LOC128092253: variants seen among roughly 807,000 people sequenced by gnomAD.
At chr6:133,972,418 A>G in the LOC128092253 span, among the ~76,000 whole-genome samples, 1 of 152,248 alleles carries the variant, frequency 6.6e-6, no homozygotes, top group Non-Finnish European at 1.5e-5. Context: ...AGGGCCTTAC[A>G]TTTATCAGTG....
the LOC128092253 span, among the ~76,000 whole-genome samples, chr6:133,971,892 CT>C: frequency 6.6e-6 from 1 of 152,034 alleles, no homozygotes; most frequent in South Asian, 2.1e-4. Flanking sequence ...GCTTTTCACC[CT>C]GTTAATAGTT....
the LOC128092253 span, among the ~76,000 whole-genome samples, chr6:133,976,892 C>T: frequency 6.6e-6 from 1 of 150,850 alleles, no homozygotes; most frequent in Non-Finnish European, 1.5e-5. Context: ...TGCTTGAATC[C>T]AGGAGGCGGA....
chr6:133,959,858 A>C, the LOC128092253 span, among the ~76,000 whole-genome samples: 1 of 152,214 alleles, frequency 6.6e-6, no homozygotes, highest in Admixed American at 6.5e-5. Context: ...TAATAAAGTC[A>C]ATGTGTAACC....
chr6:133,961,822 G>A, the LOC128092253 span, among the ~76,000 whole-genome samples: 1 of 152,136 alleles, frequency 6.6e-6, no homozygotes, highest in African/African-American at 2.4e-5. Context: ...CATTGCTCCT[G>A]AAGTTTCTCT....
At chr6:133,958,621 G>C in the LOC128092253 span, among the ~76,000 whole-genome samples, 2 of 152,184 alleles carry the variant, frequency 1.3e-5, no homozygotes, top group East Asian at 3.8e-4. Context: ...TTTTAGTTTA[G>C]TTGTGTGGAC....
chr6:133,974,573 C>T, the LOC128092253 span, among the ~76,000 whole-genome samples: 2 of 152,220 alleles, frequency 1.3e-5, no homozygotes, highest in Admixed American at 6.5e-5. Flanking sequence ...GTGATCCACT[C>T]ACCTTGCCCT....
the LOC128092253 span, among the ~76,000 whole-genome samples, chr6:133,958,980 C>T: frequency 6.6e-6 from 1 of 152,062 alleles, no homozygotes; most frequent in African/African-American, 2.4e-5. Context: ...ATGACTGTTG[C>T]ACCAAATAGA....
the LOC128092253 span, among the ~76,000 whole-genome samples, chr6:133,955,246 G>A: frequency 6.8e-6 from 1 of 146,154 alleles, no homozygotes; most frequent in Admixed American, 6.9e-5. Flanking sequence ...GTTTGCCGTT[G>A]TCTGTCTCTT....
chr6:133,974,801 G>A, the LOC128092253 span, among the ~76,000 whole-genome samples: 2 of 152,136 alleles, frequency 1.3e-5, no homozygotes, highest in Non-Finnish European at 2.9e-5. Flanking sequence ...GCCAATATAA[G>A]TAAGTGTCAT....
At chr6:133,975,607 A>G in the LOC128092253 span, among the ~76,000 whole-genome samples, 1 of 152,232 alleles carries the variant, frequency 6.6e-6, no homozygotes, top group Admixed American at 6.5e-5. Context: ...CAAGAAAGGA[A>G]GAGTATAGGC....
the LOC128092253 span, among the ~76,000 whole-genome samples, chr6:133,965,267 TTTAAAA>T: frequency 6.6e-6 from 1 of 152,156 alleles, no homozygotes; most frequent in Non-Finnish European, 1.5e-5. Context: ...CTTTTTAGCT[TTTAAAA>T]TTATAGTCCG....
the LOC128092253 span, among the ~76,000 whole-genome samples, chr6:133,973,814 A>G: frequency 1.3e-5 from 2 of 152,134 alleles, no homozygotes; most frequent in African/African-American, 4.8e-5. Flanking sequence ...TTGACAAATC[A>G]CACTAAGCCA....
At chr6:133,966,319 G>A in the LOC128092253 span, among the ~76,000 whole-genome samples, 3 of 152,260 alleles carry the variant, frequency 2.0e-5, no homozygotes, top group South Asian at 4.1e-4. Flanking sequence ...TTTTACCATA[G>A]TTTGTAGTGT....
the LOC128092253 span, among the ~76,000 whole-genome samples, chr6:133,960,476 G>A: frequency 1.3e-5 from 2 of 148,806 alleles, no homozygotes; most frequent in African/African-American, 5.0e-5. Flanking sequence ...GCTGTGGCCA[G>A]TAATCTTGAA....
the LOC128092253 span, among the ~76,000 whole-genome samples, chr6:133,975,118 A>G: frequency 2.6e-5 from 4 of 152,174 alleles, no homozygotes; most frequent in Admixed American, 6.5e-5. Context: ...AAAATTCACT[A>G]GAGAGGATCA....
At chr6:133,960,043 C>T in the LOC128092253 span, among the ~76,000 whole-genome samples, 4 of 152,160 alleles carry the variant, frequency 2.6e-5, no homozygotes, top group African/African-American at 9.7e-5. Context: ...TTTCCTCTCA[C>T]CTACTTATGG....
At chr6:133,961,349 T>C in the LOC128092253 span, among the ~76,000 whole-genome samples, 231 of 152,276 alleles carry the variant, frequency 1.5e-3, 1 homozygote, top group African/African-American at 5.1e-3. Context: ...TAGACACTTA[T>C]AACACCAACA....
chr6:133,969,351 T>C, the LOC128092253 span, among the ~76,000 whole-genome samples: 43 of 151,484 alleles, frequency 2.8e-4, no homozygotes, highest in Non-Finnish European at 6.0e-4. Context: ...TTTCTTAATA[T>C]AGATTTTTTT....
the LOC128092253 span, among the ~76,000 whole-genome samples, chr6:133,968,078 G>A: frequency 6.7e-6 from 1 of 149,814 alleles, no homozygotes; most frequent in Non-Finnish European, 1.5e-5. Context: ...ATGCAGTCTC[G>A]GCTCACTGCA....
Sources: gnomAD v4.1 joint callset for allele counts (sites outside exome capture counted in the v4.1 genomes callset) on GRCh38, gnomAD v4.1.1 for gene constraint, MANE v1.5 for transcripts.